CSMD2: variants seen among roughly 807,000 people sequenced by gnomAD.
CSMD2 encodes the protein CUB and sushi domain-containing protein 2.
Under a neutral mutation model 398.5 loss-of-function variants are expected in CSMD2, and 130 were observed. The ratio of observed to expected loss-of-function variants is 0.33; its 90% CI spans 0.28 to 0.38. CSMD2 has a LOEUF of 0.38. CSMD2 is among the 10% of genes least tolerant of loss of function. The probability of loss-of-function intolerance (pLI) is 1.00; values close to 1 mark genes in which losing one functional copy is unlikely to be tolerated. For synonymous variants in CSMD2, 1,828 were observed against 1,908.5 expected, an observed-to-expected ratio of 0.96 and a Z score of 1.10; for missense variants, 3,829 against 4,764.9, an observed-to-expected ratio of 0.80 and a Z score of 5.78.
intron 3 of CSMD2, among the ~76,000 whole-genome samples, chr1:34,019,695 G>A (rs4653374): frequency 2.0e-5 from 3 of 151,804 alleles, no homozygotes; most frequent in African/African-American, 2.4e-5. Flanking sequence ...TAAATCTCAC[G>A]GAGCCACTTC....
intron 7 of CSMD2, among the ~76,000 whole-genome samples, chr1:33,821,881 G>A (rs1269088390): frequency 3.9e-5 from 6 of 152,116 alleles, no homozygotes; most frequent in Admixed American, 6.5e-5. Flanking sequence ...TTAGACACAC[G>A]GCAACAGAGA....
intron 23 of CSMD2, among the ~76,000 whole-genome samples, chr1:33,699,584 T>A (rs1331347278): frequency 1.3e-5 from 2 of 152,244 alleles, no homozygotes; most frequent in Non-Finnish European, 2.9e-5. Context: ...CCACTGAACC[T>A]CTTGCTGTAA....
Position 33,540,583 on chromosome 1 carries a change from G to C in CSMD2, c.9573C>G (p.Pro3191=). The C allele has an allele frequency of 6.2e-7, 1 of 1,614,170 alleles. No individual in the cohort carries two copies. The highest frequency in any genetic ancestry group is 1.3e-5 in the African/African-American group (1 of 75,034). Residue 3191 remains proline (P), a synonymous_variant, in exon 60 of 71, where the codon CCC becomes CCG. Transcript: ENST00000373381. ...ACLEGYQLSL[P]AVFTCEGNGS... is the part of the protein sequence containing the mutation. ...CATTTCCCTCACAGGTGAACACCGC[G>C]GGCAGGGAGAGCTGGTACCCCTCCA... is the stretch of plus-strand genomic sequence containing the variant.
chr1:33,634,644 G>T (rs575337265), intron 31 of CSMD2, among the ~76,000 whole-genome samples: 32 of 152,290 alleles, frequency 2.1e-4, no homozygotes, highest in African/African-American at 7.0e-4. Context: ...GCCTGGGTTG[G>T]TTTTTCTGCC....
intron 1 of CSMD2, among the ~76,000 whole-genome samples, chr1:34,101,388 A>C (rs939329949): frequency 5.9e-5 from 9 of 152,226 alleles, no homozygotes; most frequent in Non-Finnish European, 1.2e-4. Context: ...CCCAGGACAG[A>C]CTTCCAAATA....
intron 3 of CSMD2, among the ~76,000 whole-genome samples, chr1:33,972,553 T>C (rs1324725453): frequency 1.3e-5 from 2 of 152,048 alleles, no homozygotes; most frequent in Admixed American, 6.5e-5. Flanking sequence ...GGCAGGAGGA[T>C]TGGAGTCAGT....
At chr1:33,557,549 AAGAAGGAATCTGAAAT>A (rs1380169538) in intron 55 of CSMD2, among the ~76,000 whole-genome samples, 169 bp downstream of exon 55, 1 of 152,054 alleles carries the variant, frequency 6.6e-6, no homozygotes, top group East Asian at 1.9e-4. Flanking sequence ...ACAGAGGCTC[AAGAAGGAATCTGAAAT>A]CCCAGGAGTA....
chr1:33,931,343 T>G (rs1644306516), intron 4 of CSMD2, among the ~76,000 whole-genome samples: 1 of 152,360 alleles, frequency 6.6e-6, no homozygotes, highest in South Asian at 2.1e-4. Flanking sequence ...TACCCTTTGT[T>G]CCTGTTTAGC....
chr1:34,020,939 T>C lies in CSMD2; in HGVS notation c.517+11655A>G, dbSNP rs369072210. On this transcript the variant is annotated intron_variant, in intron 3 of 70. Coordinates refer to ENST00000373381, the MANE Select transcript of CSMD2 (RefSeq NM_001281956.2). ...AAGGACTGTGAAACAACTCCTATCA[T>C]GTAACGGCATCCACAGGGGAAGGAC... Among the ~76,000 whole-genome samples the C allele has an allele frequency of 5.6e-4, 85 of 152,260 alleles. 2 individuals are homozygous for C. In the East Asian group the frequency reaches 9.7e-3, roughly 17 times the overall value.
rs559563349 is a variant in CSMD2, at chr1:34,161,296, C to G, written c.187+3615G>C. 1.0e-3 allele frequency among the ~76,000 whole-genome samples: 158 copies of G among 152,248 alleles called. 2 individuals carry two copies. Among genetic ancestry groups the G allele is most frequent in the African/African-American group, 3.6e-3 (148 of 41,538 alleles). On this transcript the variant is annotated intron_variant, in intron 1 of 70. Transcript: ENST00000373381. Reference sequence around the variant, plus strand: ...ACCTAGACCCAGAATTCCCATGGACCAGGAAGCCAATAGATGAATTTCAGG... The same window carrying G: ...ACCTAGACCCAGAATTCCCATGGACGAGGAAGCCAATAGATGAATTTCAGG...
In CSMD2 at chr1:33,569,481, C is replaced by T. The variant is rs866348621; in HGVS notation, c.8024G>A (p.Gly2675Glu). 6.2e-7 allele frequency: 1 copy of T among 1,614,122 alleles called. No homozygotes were observed. The highest frequency in any genetic ancestry group is 1.7e-5 in the Admixed American group (1 of 60,018). The change falls in exon 52 of 71, where the codon GGG (glycine) becomes GAG (glutamate). Residue 2675 changes from glycine to glutamate, a missense_variant. Gly to Glu is a moderately conservative substitution (Grantham distance 98). Transcript: ENST00000373381. The stretch of plus-strand genomic sequence containing the variant: ...ATTGCAGGAGAAGATGGCTGTTGCC[C>T]CGTAGACAGACAGTGTTCCGATGCG... ...GHRIGTLSVYGATAIFSCNSG... is the reference protein window; with the variant it reads ...GHRIGTLSVYEATAIFSCNSG...
chr1:33,807,574 A>T (rs1422578364), intron 10 of CSMD2, among the ~76,000 whole-genome samples: 1 of 152,202 alleles, frequency 6.6e-6, no homozygotes, highest in Non-Finnish European at 1.5e-5. Flanking sequence ...CTAAGTGGAC[A>T]GTGGCTTTAT....
chr1:34,109,954 T>C (rs1327215653), intron 1 of CSMD2, among the ~76,000 whole-genome samples: 1 of 142,188 alleles, frequency 7.0e-6, no homozygotes, highest in Non-Finnish European at 1.5e-5. Flanking sequence ...GGCAGGAGAA[T>C]CGGGTGAACC....
chr1:33,996,117 G>T (rs1313987246), intron 3 of CSMD2, among the ~76,000 whole-genome samples: 1 of 152,196 alleles, frequency 6.6e-6, no homozygotes, highest in Non-Finnish European at 1.5e-5. Context: ...ATGGGCAAAG[G>T]ATATGGACAG....
At chr1:33,897,756 C>A (rs931869992) in intron 5 of CSMD2, among the ~76,000 whole-genome samples, 2 of 152,236 alleles carry the variant, frequency 1.3e-5, no homozygotes, top group Admixed American at 1.3e-4. Context: ...GGGAACCTCA[C>A]TGAGCGTCTT....
At chr1:33,960,761 T>G (rs551170901) in intron 3 of CSMD2, among the ~76,000 whole-genome samples, 2 of 152,342 alleles carry the variant, frequency 1.3e-5, no homozygotes, top group South Asian at 4.1e-4. Flanking sequence ...GATGAGAGTT[T>G]TGCATTTCAG....
At chr1:33,610,009 C>G (rs530069500) in intron 41 of CSMD2, among the ~76,000 whole-genome samples, 65 of 152,298 alleles carry the variant, frequency 4.3e-4, no homozygotes, top group Non-Finnish European at 7.6e-4. Context: ...TTTGCCCCTT[C>G]CACCATGTGA....
intron 5 of CSMD2, among the ~76,000 whole-genome samples, chr1:33,858,280 GA>G (rs1639238463): frequency 6.6e-6 from 1 of 152,198 alleles, no homozygotes; most frequent in Admixed American, 6.5e-5. Flanking sequence ...ACCCAGATTA[GA>G]AAAGACTCAC....
At chr1:33,849,569 C>T (rs968879183) in intron 5 of CSMD2, among the ~76,000 whole-genome samples, 6 of 152,092 alleles carry the variant, frequency 3.9e-5, no homozygotes, top group Non-Finnish European at 8.8e-5. Context: ...TCTTACATCT[C>T]AAATGAGATG....
Sources: gnomAD v4.1 joint callset for allele counts (sites outside exome capture counted in the v4.1 genomes callset) on GRCh38, gnomAD v4.1.1 for gene constraint, MANE v1.5 for transcripts, NCBI Gene and HGNC (gene_info 2026-07-23, HGNC 2026-07-21) for gene names.